Variants in SNX8 observed in about 807,000 individuals in gnomAD.
SNX8 encodes the protein sorting nexin 8.
SNX8 carries 25 observed loss-of-function variants against 51.6 expected under a neutral mutation model. That is an observed-to-expected ratio of 0.48 (90% CI 0.35 to 0.68). SNX8 has a LOEUF of 0.68. Among genes scored for constraint, SNX8 ranks in the 30% least tolerant of loss-of-function variants. The probability of loss-of-function intolerance (pLI) is 0.00; values close to 1 mark genes in which losing one functional copy is unlikely to be tolerated. For missense variants in SNX8, 695 were observed against 624.0 expected (o/e 1.11, Z -1.21); for synonymous variants, 324 against 277.0 (o/e 1.17, Z -1.68).
rs759195205 is a variant in SNX8 at position 2,254,895 on chromosome 7, G to A, written c.*161C>T. 45 of 641,274 alleles carry A rather than the reference G, an allele frequency of 7.0e-5. No homozygotes were observed. Among genetic ancestry groups the A allele is most frequent in the Admixed American group, 2.9e-4 (13 of 44,980 alleles). The allele number at this position is 641,274 out of a possible 1,614,324, so 39.7% of individuals were successfully genotyped here. A position where few individuals can be genotyped will look rare whatever the true frequency, so the allele number is the denominator to read the frequency against. On this transcript the variant is annotated 3_prime_UTR_variant, in exon 11 of 11. Coordinates refer to ENST00000222990, the MANE Select transcript of SNX8 (RefSeq NM_013321.4). Reference sequence around the variant, plus strand: ...TGGCCCAGCTGCCCCCATGGTCCACGGATGCGCCTCCCGACCCGCAGGCGT... The same window carrying A: ...TGGCCCAGCTGCCCCCATGGTCCACAGATGCGCCTCCCGACCCGCAGGCGT...
intron 1 of SNX8, among the ~76,000 whole-genome samples, chr7:2,326,974 AT>A (rs1307639818): frequency 6.6e-6 from 1 of 152,112 alleles, no homozygotes; most frequent in African/African-American, 2.4e-5. Context: ...TTTTTAAAAA[AT>A]ATTACGAACT....
chr7:2,353,206 C>G (rs1779198494), intron 1 of SNX8, among the ~76,000 whole-genome samples: 1 of 152,022 alleles, frequency 6.6e-6, no homozygotes, highest in Admixed American at 6.6e-5. Flanking sequence ...TGTCACTGAA[C>G]TGTACACTAA....
intron 2 of SNX8, among the ~76,000 whole-genome samples, chr7:2,275,997 CAAAAAAA>C (rs772419452): frequency 3.8e-5 from 4 of 105,062 alleles, no homozygotes; most frequent in African/African-American, 7.2e-5. Context: ...GACTCCATTT[CAAAAAAA>C]AAAAAAAAAC....
intron 1 of SNX8, among the ~76,000 whole-genome samples, chr7:2,345,862 C>G (rs59328672): frequency 6.6e-6 from 1 of 152,002 alleles, no homozygotes; most frequent in Non-Finnish European, 1.5e-5. Context: ...GGCTGAAGTG[C>G]AGTGGCAAGA....
chr7:2,325,734 A>C (rs1438718978), intron 1 of SNX8, among the ~76,000 whole-genome samples: 2 of 152,160 alleles, frequency 1.3e-5, no homozygotes, highest in Non-Finnish European at 2.9e-5. Context: ...TCAGGAGCTG[A>C]GGCATGAGAA....
chr7:2,280,322 A>T (rs1400345999), intron 1 of SNX8, among the ~76,000 whole-genome samples: 1 of 151,834 alleles, frequency 6.6e-6, no homozygotes, highest in Non-Finnish European at 1.5e-5. Context: ...AGTGTTTCTC[A>T]TTTTTTTTGT....
chr7:2,344,230 C>G (rs2115247881), intron 1 of SNX8, among the ~76,000 whole-genome samples: 1 of 151,716 alleles, frequency 6.6e-6, no homozygotes, highest in South Asian at 2.1e-4. Context: ...AAAGAAAATC[C>G]TAGTACTTTG....
intron 5 of SNX8, among the ~76,000 whole-genome samples, chr7:2,268,443 G>A (rs367858864): frequency 0.35 from 45,864 of 132,766 alleles, 7,948 homozygotes; most frequent in African/African-American, 0.43. Flanking sequence ...CCATCCGGGA[G>A]GGAGGTGGGG....
chr7:2,291,229 G>A (rs1272408322), intron 1 of SNX8, among the ~76,000 whole-genome samples: 1 of 152,106 alleles, frequency 6.6e-6, no homozygotes, highest in African/African-American at 2.4e-5. Flanking sequence ...GAGCCCAGAA[G>A]TTCAAGGCTG....
At chr7:2,341,284 AG>A (rs1778919161) in intron 1 of SNX8, among the ~76,000 whole-genome samples, 1 of 152,146 alleles carries the variant, frequency 6.6e-6, no homozygotes, top group South Asian at 2.1e-4. Context: ...GGATCGCTTG[AG>A]GCCAGGGATT....
At chr7:2,271,488 G>T (rs1455949949) in intron 4 of SNX8, among the ~76,000 whole-genome samples, 2 of 152,234 alleles carry the variant, frequency 1.3e-5, no homozygotes, top group Non-Finnish European at 2.9e-5. Context: ...GGCTCAGCCT[G>T]TGTTCCAGTG....
intron 1 of SNX8, among the ~76,000 whole-genome samples, chr7:2,279,678 G>C (rs929865130): frequency 4.6e-5 from 7 of 151,446 alleles, no homozygotes; most frequent in African/African-American, 7.3e-5. Context: ...CCTGAGTCCG[G>C]GAAGGCGGAG....
chr7:2,278,282 C>T lies in SNX8; in HGVS notation c.118G>A (p.Glu40Lys), dbSNP rs1473351643. ...ASDLPTPQAI[E>K]PQAIVQQVPA... The stretch of plus-strand genomic sequence containing the variant: ...ACCTGCTGCACGATGGCCTGGGGCT[C>T]GATGGCCTGGGGTGTCGGCAGATCT... The change falls in exon 2 of 11, where the codon GAG becomes AAG. Residue 40 changes from glutamate to lysine, a missense_variant. Glu to Lys is a moderately conservative substitution (Grantham distance 56, BLOSUM62 1). Transcript: ENST00000222990. 6 of 1,587,514 alleles carry T rather than the reference C, an allele frequency of 3.8e-6. No individual in the cohort carries two copies. Among genetic ancestry groups the T allele is most frequent in the East Asian group, 2.3e-5 (1 of 43,432 alleles).
intron 5 of SNX8, among the ~76,000 whole-genome samples, chr7:2,268,741 C>CG (rs1341611720): frequency 2.0e-4 from 4 of 19,728 alleles, no homozygotes; most frequent in African/African-American, 2.2e-4. Context: ...GGTCAGCCCC[C>CG]CAGCCCGGCC....
chr7:2,330,061 C>T (rs1183901361), intron 1 of SNX8, among the ~76,000 whole-genome samples: 1 of 150,354 alleles, frequency 6.7e-6, no homozygotes, highest in African/African-American at 2.4e-5. Context: ...GAACTCCTGA[C>T]CTCAAGTGAT....
At chr7:2,321,249 C>T in intron 1 of SNX8, among the ~76,000 whole-genome samples, 1 of 152,000 alleles carries the variant, frequency 6.6e-6, no homozygotes, top group South Asian at 2.1e-4. Flanking sequence ...AGCTCTAATC[C>T]AGAATGCCGA....
At chr7:2,311,974 C>G (rs1188315291) in intron 1 of SNX8, among the ~76,000 whole-genome samples, 1 of 152,048 alleles carries the variant, frequency 6.6e-6, no homozygotes, top group Non-Finnish European at 1.5e-5. Context: ...CCACTTCACC[C>G]ACCTGCCAGG....
intron 1 of SNX8, among the ~76,000 whole-genome samples, chr7:2,311,812 C>A (rs928022542): frequency 6.6e-6 from 1 of 151,950 alleles, no homozygotes; most frequent in African/African-American, 2.4e-5. Flanking sequence ...TGGCGGGCGC[C>A]TGTAGTCCCA....
At chr7:2,349,618 G>C (rs184635139) in intron 1 of SNX8, among the ~76,000 whole-genome samples, 5 of 151,576 alleles carry the variant, frequency 3.3e-5, no homozygotes, top group Non-Finnish European at 7.4e-5. Context: ...CTAATTTTTT[G>C]TAAAGATGAG....
Sources: gnomAD v4.1 joint callset for allele counts (sites outside exome capture counted in the v4.1 genomes callset) on GRCh38, gnomAD v4.1.1 for gene constraint, MANE v1.5 for transcripts, NCBI Gene and HGNC (gene_info 2026-07-23, HGNC 2026-07-21) for gene names.